The following FAM120C variants were observed in gnomAD, a reference collection of about 807,000 sequenced individuals.
FAM120C encodes the protein family with sequence similarity 120 member C.
FAM120C carries 14 observed loss-of-function variants against 71.2 expected under a neutral mutation model. That is an observed-to-expected ratio of 0.20 (90% CI 0.13 to 0.31). FAM120C has a LOEUF of 0.31. Ranked by LOEUF, FAM120C falls within the 10% of genes least tolerant of loss-of-function variation. FAM120C has a pLI of 1.00. For synonymous variants in FAM120C, 354 were observed against 353.2 expected, an observed-to-expected ratio of 1.00 and a Z score of -0.03; for missense variants, 500 against 879.0, an observed-to-expected ratio of 0.57 and a Z score of 5.45.
chrX:54,142,762 T>A (rs1557131839), intron 4 of FAM120C, among the ~76,000 whole-genome samples: 1 of 111,704 alleles, frequency 9.0e-6, no homozygotes, highest in Non-Finnish European at 1.9e-5. Flanking sequence ...GCACAGAGTT[T>A]GAGATCTGAG....
At chrX:54,097,948 G>A (rs1037979713) in intron 10 of FAM120C, among the ~76,000 whole-genome samples, 10 of 109,762 alleles carry the variant, frequency 9.1e-5, no homozygotes, top group Admixed American at 2.9e-4. Flanking sequence ...GGATGGTCTC[G>A]ATCTCCTGGC....
At chrX:54,094,083 CTTT>C (rs35721972) in intron 10 of FAM120C, among the ~76,000 whole-genome samples, 3 of 61,443 alleles carry the variant, frequency 4.9e-5, no homozygotes, top group Non-Finnish European at 8.4e-5. Flanking sequence ...TCCACGACTC[CTTT>C]TTTTTTTTTT....
intron 10 of FAM120C, among the ~76,000 whole-genome samples, chrX:54,112,951 C>T (rs2066945591): frequency 9.1e-6 from 1 of 110,073 alleles, no homozygotes; most frequent in South Asian, 3.9e-4. Context: ...ACCTGGGAGG[C>T]GGAGGTTGTG....
chrX:54,130,067 G>T (rs1374112529), intron 9 of FAM120C, among the ~76,000 whole-genome samples: 2 of 84,112 alleles, frequency 2.4e-5, no homozygotes, highest in Non-Finnish European at 4.7e-5. Context: ...GAGGGACACC[G>T]TGGGGAGAGG....
At chrX:54,166,132 A>G (rs911463634) in intron 1 of FAM120C, among the ~76,000 whole-genome samples, 7 of 111,852 alleles carry the variant, frequency 6.3e-5, no homozygotes, top group Non-Finnish European at 1.1e-4. Flanking sequence ...AAAAGGAAAC[A>G]AACAGATTTT....
In FAM120C at chrX:54,182,893, G is replaced by A. The variant is rs2067360125; in HGVS notation, c.306C>T (p.His102=). The A allele has an allele frequency of 8.8e-7, 1 of 1,142,375 alleles. No homozygotes were observed. Among genetic ancestry groups the A allele is most frequent in the East Asian group, 3.4e-5 (1 of 29,837 alleles). 94.1% of individuals were successfully genotyped at this position (1,142,375 alleles called of 1,213,427 possible). Residue 102 remains histidine (H), a synonymous_variant, in exon 1 of 16, where the codon CAC becomes CAT. Transcript: ENST00000375180. ...GGGGCGGCGGCGGCGGCAGCGGAGG[G>A]TGCAGCCCGGGCTGCGCTTGGCCAT... ...HHHGQAQPGL[H]PPLPPPPPPQ...
At chrX:54,173,270 C>T (rs957220907) in intron 1 of FAM120C, among the ~76,000 whole-genome samples, 3 of 111,846 alleles carry the variant, frequency 2.7e-5, no homozygotes, top group East Asian at 2.8e-4. Flanking sequence ...TTTTTTGAGA[C>T]GGAGTTTCGC....
At chrX:54,128,685 T>A (rs1483430885) in intron 9 of FAM120C, among the ~76,000 whole-genome samples, 1 of 111,559 alleles carries the variant, frequency 9.0e-6, no homozygotes, top group Non-Finnish European at 1.9e-5. Context: ...TTAACGAGCA[T>A]GCTGCCTTCA....
chrX:54,133,713 C>A lies in FAM120C; in HGVS notation c.1890+60G>T. ...AGAATGTTCTCTGTAACTTACAGTCCTAGGAAGTAGGAAGTACAGTGTTAA... is the reference window on the plus strand; with the variant it reads ...AGAATGTTCTCTGTAACTTACAGTCATAGGAAGTAGGAAGTACAGTGTTAA... On this transcript the variant is annotated intron_variant, in intron 8 of 15. Coordinates refer to ENST00000375180, the MANE Select transcript of FAM120C (RefSeq NM_017848.6). 8 of 1,127,846 alleles carry A rather than the reference C, an allele frequency of 7.1e-6. No homozygotes were observed. The South Asian group carries it at 1.6e-4, about 22-fold the overall frequency. The allele number at this position is 1,127,846 out of a possible 1,213,427, so 92.9% of individuals were successfully genotyped here. A position where few individuals can be genotyped will look rare whatever the true frequency, so the allele number is the denominator to read the frequency against.
intron 1 of FAM120C, among the ~76,000 whole-genome samples, chrX:54,164,671 G>C (rs2067251464): frequency 1.8e-5 from 2 of 111,908 alleles, no homozygotes; most frequent in South Asian, 7.5e-4. Flanking sequence ...CAGACATTTG[G>C]GTTGCTTCCA....
chrX:54,105,159 A>G, intron 10 of FAM120C, among the ~76,000 whole-genome samples: 1 of 111,963 alleles, frequency 8.9e-6, no homozygotes, highest in African/African-American at 3.2e-5. Flanking sequence ...AAAATCGTCA[A>G]GAAAATACTG....
chrX:54,088,131 T>C (rs981862922), intron 11 of FAM120C, among the ~76,000 whole-genome samples, 167 bp from the exon 12 acceptor site: 13 of 111,786 alleles, frequency 1.2e-4, no homozygotes, highest in Non-Finnish European at 2.1e-4. Flanking sequence ...TCCCCTAAGA[T>C]GATTTGAAAG....
At chrX:54,133,028 G>C (rs1557129680) in intron 8 of FAM120C, among the ~76,000 whole-genome samples, 165 bp from the exon 9 acceptor site, 14 of 112,708 alleles carry the variant, frequency 1.2e-4, no homozygotes, top group Non-Finnish European at 2.2e-4. Context: ...TTAGCTGATT[G>C]CAGCCTACTT....
At chrX:54,141,113 T>C (rs1301553327) in intron 4 of FAM120C, among the ~76,000 whole-genome samples, 8 of 111,255 alleles carry the variant, frequency 7.2e-5, no homozygotes, top group African/African-American at 2.6e-4. Context: ...ATAACACCAA[T>C]TCTACAAAAT....
chrX:54,085,607 G>T, intron 13 of FAM120C, 108 bp downstream of exon 13: 5 of 699,448 alleles, frequency 7.1e-6, no homozygotes, highest in Non-Finnish European at 1.0e-5. Flanking sequence ...AAAAGTCAAT[G>T]AGATGAGATA....
At chrX:54,076,614 C>T (rs189564734) in intron 15 of FAM120C, among the ~76,000 whole-genome samples, 13 of 111,328 alleles carry the variant, frequency 1.2e-4, no homozygotes, top group Non-Finnish European at 1.7e-4. Flanking sequence ...TAATAGTGTC[C>T]GCAGCCATCT....
chrX:54,087,698 C>A, intron 12 of FAM120C, 57 bp downstream of exon 12: 1 of 1,084,180 alleles, frequency 9.2e-7, no homozygotes, highest in South Asian at 1.9e-5. Context: ...CCCCTCCCTG[C>A]CCATTCACTC....
Position 54,182,507 on chromosome X carries a change from C to T in FAM120C, c.692G>A (p.Arg231Gln). ...ATCCGGCCCCTCCCTCACCTTGACC[C>T]GGAAGCGGATGAGTGCTAGCCTCAC... ...HCVRLALIRF[R>Q]VKVFQSLEDH... is the part of the protein sequence containing the mutation. The change falls in exon 1 of 16, where the codon CGG becomes CAG. Residue 231 changes from arginine (R) to glutamine (Q), a missense_variant. Arg to Gln is a conservative substitution (Grantham distance 43, BLOSUM62 1). Coordinates refer to ENST00000375180, the MANE Select transcript of FAM120C (RefSeq NM_017848.6). 2 of 1,207,183 alleles carry T rather than the reference C, an allele frequency of 1.7e-6. No homozygotes were observed. Among genetic ancestry groups the T allele is most frequent in the Non-Finnish European group, 2.2e-6 (2 of 893,218 alleles).
At chrX:54,113,882 CT>C (rs1557126175) in intron 10 of FAM120C, among the ~76,000 whole-genome samples, 2 of 111,157 alleles carry the variant, frequency 1.8e-5, no homozygotes, top group East Asian at 5.6e-4. Context: ...TGCCATTGCA[CT>C]CCAGCCTGGG....
Sources: allele counts gnomAD v4.1 joint callset (sites outside exome capture counted in the v4.1 genomes callset), GRCh38; gene constraint gnomAD v4.1.1; transcripts MANE v1.5; gene names NCBI Gene and HGNC (gene_info 2026-07-23, HGNC 2026-07-21).